ZFAND3: variants seen among roughly 807,000 people sequenced by gnomAD.
ZFAND3 encodes the protein zinc finger AN1-type containing 3.
ZFAND3 carries 10 observed loss-of-function variants against 29.6 expected under a neutral mutation model. The ratio of observed to expected loss-of-function variants is 0.34; its 90% CI spans 0.21 to 0.57. The LOEUF (loss-of-function observed/expected upper bound fraction) is 0.57, where lower values mean the gene tolerates loss of function less well. Ranked by LOEUF, ZFAND3 falls within the 20% of genes least tolerant of loss-of-function variation. The pLI is 0.86. For missense variants in ZFAND3, 230 were observed against 304.5 expected (o/e 0.76, Z 1.82); for synonymous variants, 128 against 112.6 (o/e 1.14, Z -0.87).
chr6:37,882,265 T>A (rs1352684254), intron 1 of ZFAND3, among the ~76,000 whole-genome samples: 2 of 152,136 alleles, frequency 1.3e-5, no homozygotes, highest in Non-Finnish European at 2.9e-5. Context: ...TTGTTTCTTG[T>A]CAGTATGAGG....
chr6:37,988,851 G>A (rs184930510), intron 2 of ZFAND3, among the ~76,000 whole-genome samples: 6 of 152,124 alleles, frequency 3.9e-5, no homozygotes, highest in Non-Finnish European at 8.8e-5. Context: ...TGAGTGGTGT[G>A]CTTGTTCGCA....
intron 3 of ZFAND3, among the ~76,000 whole-genome samples, chr6:38,063,662 A>G (rs543450266): frequency 1.3e-5 from 2 of 152,326 alleles, no homozygotes; most frequent in South Asian, 4.1e-4. Context: ...GAGTTTCTCA[A>G]TGGCAAATGA....
intron 2 of ZFAND3, among the ~76,000 whole-genome samples, chr6:38,047,050 C>T (rs138685889): frequency 1.2e-4 from 18 of 152,052 alleles, no homozygotes; most frequent in African/African-American, 2.9e-4. Context: ...TGGCCAGGTG[C>T]GGTGGTTCAC....
intron 5 of ZFAND3, among the ~76,000 whole-genome samples, chr6:38,135,697 A>T (rs1487236614): frequency 6.6e-6 from 1 of 152,180 alleles, no homozygotes; most frequent in African/African-American, 2.4e-5. Flanking sequence ...GTGAGCCGAG[A>T]TCGCGCCACT....
chr6:38,102,116 C>T (rs774976090), intron 4 of ZFAND3, among the ~76,000 whole-genome samples: 31 of 151,938 alleles, frequency 2.0e-4, no homozygotes, highest in Non-Finnish European at 4.4e-4. Flanking sequence ...CTTCTTCCTC[C>T]TCTTTCTTCT....
chr6:38,053,794 G>A (rs1764079576), intron 2 of ZFAND3, among the ~76,000 whole-genome samples: 1 of 152,144 alleles, frequency 6.6e-6, no homozygotes, highest in South Asian at 2.1e-4. Context: ...AGATATTTAG[G>A]AGTTGTAAAT....
chr6:38,120,244 A>G (rs1317326474), intron 5 of ZFAND3, among the ~76,000 whole-genome samples: 1 of 150,874 alleles, frequency 6.6e-6, no homozygotes, highest in Non-Finnish European at 1.5e-5. Flanking sequence ...ATCTTCATCA[A>G]ATCTGGGCCA....
At chr6:37,998,895 A>T (rs1331673233) in intron 2 of ZFAND3, among the ~76,000 whole-genome samples, 1 of 152,202 alleles carries the variant, frequency 6.6e-6, no homozygotes, top group Non-Finnish European at 1.5e-5. Flanking sequence ...ACAGAGATGA[A>T]TGTGTACACA....
chr6:38,017,375 C>A (rs1581842344), intron 2 of ZFAND3, among the ~76,000 whole-genome samples: 1 of 152,176 alleles, frequency 6.6e-6, no homozygotes. Flanking sequence ...CATTGCCTTT[C>A]CATTCCACGA....
intron 2 of ZFAND3, among the ~76,000 whole-genome samples, chr6:38,006,847 A>G (rs1279937097): frequency 6.6e-6 from 1 of 152,058 alleles, no homozygotes; most frequent in East Asian, 1.9e-4. Context: ...GATCAGCACA[A>G]TTCCATTAGT....
intron 2 of ZFAND3, among the ~76,000 whole-genome samples, chr6:38,004,556 C>T (rs1281189650): frequency 1.3e-5 from 2 of 151,384 alleles, no homozygotes; most frequent in African/African-American, 4.9e-5. Context: ...CACACACACA[C>T]ACACACGAAT....
intron 1 of ZFAND3, among the ~76,000 whole-genome samples, chr6:37,915,373 C>T (rs929222612): frequency 3.3e-5 from 5 of 152,184 alleles, no homozygotes; most frequent in Non-Finnish European, 7.4e-5. Flanking sequence ...GCATTCACAA[C>T]CTGGCTAACT....
At chr6:37,984,186 A>C (rs1422436634) in intron 2 of ZFAND3, among the ~76,000 whole-genome samples, 3 of 152,242 alleles carry the variant, frequency 2.0e-5, no homozygotes, top group Admixed American at 2.0e-4. Flanking sequence ...AAGTGAGTCT[A>C]TTGGACCAAT....
chr6:37,852,534 T>C (rs932117627), intron 1 of ZFAND3, among the ~76,000 whole-genome samples: 31 of 152,168 alleles, frequency 2.0e-4, no homozygotes, highest in South Asian at 4.1e-4. Context: ...CATGCACATA[T>C]CTTGCCGTTT....
At chr6:37,946,817 GTACC>G (rs1761911960) in intron 2 of ZFAND3, among the ~76,000 whole-genome samples, 1 of 152,134 alleles carries the variant, frequency 6.6e-6, no homozygotes, top group South Asian at 2.1e-4. Flanking sequence ...CTTACGTGAC[GTACC>G]TACAGTAGTC....
At chr6:37,957,027 C>A (rs943319863) in intron 2 of ZFAND3, among the ~76,000 whole-genome samples, 1 of 152,130 alleles carries the variant, frequency 6.6e-6, no homozygotes, top group African/African-American at 2.4e-5. Context: ...AAAATGTACT[C>A]ATTTATGAAA....
At chr6:37,933,293 T>C (rs1410729729) in intron 2 of ZFAND3, among the ~76,000 whole-genome samples, 4 of 152,254 alleles carry the variant, frequency 2.6e-5, no homozygotes, top group East Asian at 1.9e-4. Context: ...TAGTTTGTTA[T>C]AACTTGTTTA....
intron 1 of ZFAND3, among the ~76,000 whole-genome samples, chr6:37,903,438 A>G (rs925751348): frequency 2.0e-5 from 3 of 152,226 alleles, no homozygotes; most frequent in Admixed American, 1.3e-4. Context: ...TTCATCATTC[A>G]GGGGCTAATC....
intron 1 of ZFAND3, among the ~76,000 whole-genome samples, chr6:37,874,514 CAAA>C (rs11447694): frequency 6.3e-5 from 5 of 79,768 alleles, no homozygotes; most frequent in Non-Finnish European, 9.3e-5. Context: ...AACTCCGTCT[CAAA>C]AAAAAAAAAA....
Sources: gnomAD v4.1 joint callset for allele counts (sites outside exome capture counted in the v4.1 genomes callset) on GRCh38, gnomAD v4.1.1 for gene constraint, MANE v1.5 for transcripts, NCBI Gene and HGNC (gene_info 2026-07-23, HGNC 2026-07-21) for gene names.